Variants in KDM4C observed in about 807,000 individuals in gnomAD.
The protein encoded by KDM4C is lysine demethylase 4C.
Under a neutral mutation model 129.3 loss-of-function variants are expected in KDM4C, and 81 were observed. The ratio of observed to expected loss-of-function variants is 0.63; its 90% CI spans 0.52 to 0.75. The LOEUF is 0.75. Among genes scored for constraint, KDM4C ranks in the 30% least tolerant of loss-of-function variants. The probability of loss-of-function intolerance (pLI) is 0.00; values close to 1 mark genes in which losing one functional copy is unlikely to be tolerated. For synonymous variants in KDM4C, 573 were observed against 456.1 expected, an observed-to-expected ratio of 1.26 and a Z score of -3.26; for missense variants, 1,457 against 1,304.0, an observed-to-expected ratio of 1.12 and a Z score of -1.81.
chr9:6,917,294 C>T (rs1820491844), intron 8 of KDM4C, among the ~76,000 whole-genome samples: 1 of 152,202 alleles, frequency 6.6e-6, no homozygotes, highest in African/African-American at 2.4e-5. Context: ...GTCTCTCAAG[C>T]TCTTTTTCTC....
chr9:7,007,594 A>G (rs1192427448), intron 12 of KDM4C, among the ~76,000 whole-genome samples: 2 of 152,186 alleles, frequency 1.3e-5, no homozygotes, highest in South Asian at 2.1e-4. Flanking sequence ...TAAGACCTGT[A>G]TTGTTTAGCA....
At chr9:6,883,331 T>TA (rs1269696548) in intron 6 of KDM4C, among the ~76,000 whole-genome samples, 1 of 152,132 alleles carries the variant, frequency 6.6e-6, no homozygotes, top group African/African-American at 2.4e-5. Context: ...CTGTAAGCCA[T>TA]AAAAAATGCA....
intron 17 of KDM4C, among the ~76,000 whole-genome samples, chr9:7,090,258 C>G (rs142693714): frequency 1.2e-3 from 176 of 152,310 alleles, no homozygotes; most frequent in African/African-American, 3.9e-3. Flanking sequence ...ACATTTACCT[C>G]TTCTAGGACC....
intron 4 of KDM4C, among the ~76,000 whole-genome samples, chr9:6,848,956 A>G (rs780984730): frequency 6.6e-6 from 1 of 152,196 alleles, no homozygotes; most frequent in East Asian, 1.9e-4. Context: ...TTTTCCAATA[A>G]TTAGAGTGGA....
intron 17 of KDM4C, among the ~76,000 whole-genome samples, chr9:7,074,489 TC>T (rs1833642748): frequency 1.3e-5 from 2 of 152,162 alleles, no homozygotes; most frequent in Admixed American, 1.3e-4. Flanking sequence ...TTTTATATAA[TC>T]TATTCTTGAA....
chr9:6,837,326 C>T (rs58955871), intron 4 of KDM4C, among the ~76,000 whole-genome samples: 9,180 of 152,210 alleles, frequency 0.06, 376 homozygotes, highest in East Asian at 0.15. Context: ...CAAAGTATTA[C>T]GATTACAGGC....
At chr9:6,833,115 G>A (rs114817930) in intron 4 of KDM4C, among the ~76,000 whole-genome samples, 2,803 of 151,944 alleles carry the variant, frequency 0.018, 74 homozygotes, top group African/African-American at 0.064. Context: ...GGATATGGCT[G>A]TTTTAGTATA....
chr9:6,910,809 A>G (rs564202833), intron 8 of KDM4C, among the ~76,000 whole-genome samples: 15 of 152,216 alleles, frequency 9.9e-5, no homozygotes, highest in Non-Finnish European at 1.9e-4. Context: ...ATTGATAGCA[A>G]GTAAATGTTG....
intron 5 of KDM4C, among the ~76,000 whole-genome samples, chr9:6,867,595 G>A (rs889846795): frequency 3.3e-5 from 5 of 152,214 alleles, no homozygotes; most frequent in African/African-American, 7.2e-5. Context: ...GAATCTTCTC[G>A]AAATGGCATC....
intron 17 of KDM4C, chr9:7,076,603 A>C: frequency 6.9e-7 from 1 of 1,440,480 alleles, no homozygotes; most frequent in South Asian, 1.5e-5. Context: ...GGATGGGGAT[A>C]CAATAGCCTG....
At chr9:6,850,419 G>T (rs1253753899) in intron 5 of KDM4C, among the ~76,000 whole-genome samples, 1 of 152,058 alleles carries the variant, frequency 6.6e-6, no homozygotes, top group Non-Finnish European at 1.5e-5. Context: ...ATGATCTTCT[G>T]GTTCATCCTC....
chr9:6,901,238 A>AC (rs1563783588), intron 8 of KDM4C, among the ~76,000 whole-genome samples: 1 of 151,992 alleles, frequency 6.6e-6, no homozygotes. Context: ...GGCCCTGGGC[A>AC]CCCCCCAGAG....
intron 4 of KDM4C, among the ~76,000 whole-genome samples, chr9:6,821,467 A>G (rs1047376250): frequency 6.6e-6 from 1 of 152,242 alleles, no homozygotes; most frequent in Admixed American, 6.5e-5. Flanking sequence ...TTTTCTGATG[A>G]CCAGTGATGA....
At chr9:7,025,864 C>T (rs972593774) in intron 15 of KDM4C, among the ~76,000 whole-genome samples, 4 of 152,048 alleles carry the variant, frequency 2.6e-5, no homozygotes, top group African/African-American at 7.2e-5. Context: ...AGTTTTGGAC[C>T]TTCAGTTGAT....
intron 4 of KDM4C, among the ~76,000 whole-genome samples, chr9:6,821,968 CT>C (rs1564091936): frequency 1.3e-5 from 2 of 152,128 alleles, no homozygotes. Flanking sequence ...GCTTTCAGAG[CT>C]TGATTTCCTT....
intron 5 of KDM4C, among the ~76,000 whole-genome samples, chr9:6,853,063 C>A (rs1839147755): frequency 6.6e-6 from 1 of 151,852 alleles, no homozygotes; most frequent in Admixed American, 6.6e-5. Flanking sequence ...TTTGAATCAT[C>A]AGCACTTAAC....
intron 8 of KDM4C, among the ~76,000 whole-genome samples, chr9:6,968,773 A>G (rs1376393914): frequency 4.6e-5 from 7 of 152,106 alleles, no homozygotes. Flanking sequence ...TGGTTATTGG[A>G]TGTCATATTT....
At chr9:7,052,988 T>G (rs1351905244) in intron 17 of KDM4C, among the ~76,000 whole-genome samples, 1 of 150,492 alleles carries the variant, frequency 6.6e-6, no homozygotes, top group Admixed American at 6.7e-5. Flanking sequence ...GGACAGTTTT[T>G]TAGTTTAGTT....
chr9:6,982,017 A>G (rs1237736331), intron 9 of KDM4C: 2 of 152,880 alleles, frequency 1.3e-5, no homozygotes, highest in Non-Finnish European at 2.9e-5. Context: ...TATCTTTCCA[A>G]AATTGGGGCC....
Sources: allele counts gnomAD v4.1 joint callset (sites outside exome capture counted in the v4.1 genomes callset), GRCh38; gene constraint gnomAD v4.1.1; transcripts MANE v1.5; gene names NCBI Gene and HGNC (gene_info 2026-07-23, HGNC 2026-07-21).